Variants in OLFML3 observed in about 807,000 individuals in gnomAD.
OLFML3 encodes the protein olfactomedin like 3.
A neutral mutation model predicts 36.0 loss-of-function variants in OLFML3; 26 were observed. The observed-to-expected ratio is 0.72, with a 90% CI of 0.53 to 1.00. The LOEUF is 1.00. Ranked by LOEUF, OLFML3 falls within the 50% of genes least tolerant of loss-of-function variation. The pLI is 0.00. For synonymous variants in OLFML3, 184 were observed against 201.2 expected (o/e 0.91, Z 0.72); for missense variants, 503 against 519.4 (o/e 0.97, Z 0.31).
In OLFML3 at chr1:113,981,557, AC is replaced by A; in HGVS notation, c.1012del (p.Arg338ValfsTer18). On this transcript the variant is annotated frameshift_variant, in exon 3 of 3. Transcript: ENST00000320334. LOFTEE classifies it high-confidence loss of function. ...ICGTLYVVYNTRPASRARIQC... is the reference protein window; with the variant it reads ...ICGTLYVVYNXRPASRARIQC... The stretch of plus-strand genomic sequence containing the variant: ...TGGGACCCTCTATGTCGTCTATAAC[AC>A]CCGTCCTGCCAGTCGGGCCCGCATC... 6.2e-7 allele frequency: 1 copy of A among 1,613,536 alleles called. No individual in the cohort carries two copies. Among genetic ancestry groups the A allele is most frequent in the Non-Finnish European group, 8.5e-7 (1 of 1,179,882 alleles).
In OLFML3 at chr1:113,981,188, G is replaced by C. The variant is rs765155120; in HGVS notation, c.640G>C (p.Val214Leu). 3.1e-6 allele frequency: 5 copies of C among 1,614,234 alleles called. No homozygotes were observed. The highest frequency in any genetic ancestry group is 4.2e-6 in the Non-Finnish European group (5 of 1,180,040). The change falls in exon 3 of 3, where the codon GTA (valine) becomes CTA (leucine). Residue 214 changes from valine (V) to leucine (L), a missense_variant. By Grantham distance (32) the Val-to-Leu change is conservative. Transcript: ENST00000320334. ...CCCCTGGGTAGGCACAGGGCAGCTGGTATATGGTGGCTTTCTTTATTTTGC... is the reference window on the plus strand; with the variant it reads ...CCCCTGGGTAGGCACAGGGCAGCTGCTATATGGTGGCTTTCTTTATTTTGC... ...PFPWVGTGQLVYGGFLYFARR... is the reference protein window; with the variant it reads ...PFPWVGTGQLLYGGFLYFARR...
Position 113,979,642 on chromosome 1 carries a change from C to T in OLFML3, c.114+12C>T, listed in dbSNP as rs995755370. 1.3e-6 allele frequency: 2 copies of T among 1,568,588 alleles called. No homozygotes were observed. Among genetic ancestry groups the T allele is most frequent in the Non-Finnish European group, 1.8e-6 (2 of 1,138,572 alleles). ...TAGCTGCTTTAGAGGTGAGGGACCC[C>T]TTTCTCTTCTAGCCCCGCCTAGAAG... is the stretch of plus-strand genomic sequence containing the variant. On this transcript the variant is annotated intron_variant, in intron 1 of 2. Coordinates refer to ENST00000320334, the MANE Select transcript of OLFML3 (RefSeq NM_020190.5).
chr1:113,979,605 TG>T lies in OLFML3; in HGVS notation c.91del (p.Glu31AsnfsTer4), dbSNP rs745846967. ...CAGCAGCACCACCTTGTGGAGTACA[TG>T]GAACGCCGACTAGCTGCTTTAGAGG... ...QGQQHHLVEY[M>X]ERRLAALEER... On this transcript the variant is annotated frameshift_variant, in exon 1 of 3. Transcript: ENST00000320334. LOFTEE classifies it high-confidence loss of function. 1 of 1,613,720 alleles carries T rather than the reference TG, an allele frequency of 6.2e-7. No individual in the cohort carries two copies. The highest frequency in any genetic ancestry group is 8.5e-7 in the Non-Finnish European group (1 of 1,179,586).
Position 113,981,617 on chromosome 1 carries a change from C to T in OLFML3, c.1069C>T (p.Pro357Ser), listed in dbSNP as rs1207702168. The T allele has an allele frequency of 2.5e-6, 4 of 1,613,982 alleles. No homozygotes were observed. The highest frequency in any genetic ancestry group is 2.7e-5 in the African/African-American group (2 of 74,894). The stretch of plus-strand genomic sequence containing the variant: ...CTTTGATGCCAGCGGCACCCTGACC[C>T]CTGAACGGGCAGCACTCCCTTATTT... ...CSFDASGTLT[P>S]ERAALPYFPR... is the part of the protein sequence containing the mutation. Residue 357 changes from proline (P) to serine (S), a missense_variant, in exon 3 of 3, where the codon CCT (proline) becomes TCT (serine). Physicochemically the swap from Pro to Ser is moderately conservative, Grantham distance 74. Coordinates refer to ENST00000320334, the MANE Select transcript of OLFML3 (RefSeq NM_020190.5).
chr1:113,979,918 G>A (rs542589446), intron 1 of OLFML3: 2 of 1,422,474 alleles, frequency 1.4e-6, no homozygotes, highest in Admixed American at 5.8e-5. Context: ...AGAAGGTGAT[G>A]ATTCTGTTGA....
At position 113,981,644 on chromosome 1, in the gene OLFML3, C is replaced by T; in HGVS notation, c.1096C>T (p.Pro366Ser). Residue 366 changes from proline to serine, a missense_variant, in exon 3 of 3, where the codon CCC becomes TCC. Coordinates refer to ENST00000320334, the MANE Select transcript of OLFML3 (RefSeq NM_020190.5). ...TPERAALPYF[P>S]RRYGAHASLR... ...TGAACGGGCAGCACTCCCTTATTTTCCCCGCAGATATGGTGCCCATGCCAG... is the reference window on the plus strand; with the variant it reads ...TGAACGGGCAGCACTCCCTTATTTTTCCCGCAGATATGGTGCCCATGCCAG... The T allele has an allele frequency of 6.2e-7, 1 of 1,614,088 alleles. No homozygotes were observed. Among genetic ancestry groups the T allele is most frequent in the African/African-American group, 1.3e-5 (1 of 75,010 alleles).
chr1:113,981,359 G>A lies in OLFML3; in HGVS notation c.811G>A (p.Asp271Asn), dbSNP rs992381776. ...GATCCCCCCCTACGGCTTGACAGCA[G>A]ACACCTACATCGACCTGGCAGCTGA... ...GLIPPYGLTA[D>N]TYIDLAADEE... Residue 271 changes from aspartate (D) to asparagine (N), a missense_variant, in exon 3 of 3, where the codon GAC (aspartate) becomes AAC (asparagine). By Grantham distance (23) the Asp-to-Asn change is conservative. Transcript: ENST00000320334. The A allele has an allele frequency of 1.9e-6, 3 of 1,606,172 alleles. No homozygotes were observed. The highest frequency in any genetic ancestry group is 2.7e-5 in the African/African-American group (2 of 74,984).
At chr1:113,980,196 T>C in intron 1 of OLFML3, 136 bp from the exon 2 acceptor site, 1 of 1,514,482 alleles carries the variant, frequency 6.6e-7, no homozygotes, top group East Asian at 2.4e-5. Flanking sequence ...GGTTTCCTTT[T>C]CTGCAGGAGT....
Position 113,981,606 on chromosome 1 carries a change from G to A in OLFML3, c.1058G>A (p.Gly353Asp). 1 of 1,613,982 alleles carries A rather than the reference G, an allele frequency of 6.2e-7. No homozygotes were observed. The highest frequency in any genetic ancestry group is 8.5e-7 in the Non-Finnish European group (1 of 1,179,990). Residue 353 changes from glycine to aspartate, a missense_variant, in exon 3 of 3, where the codon GGC becomes GAC. Physicochemically the swap from Gly to Asp is moderately conservative, Grantham distance 94. Transcript: ENST00000320334. ...ATCCAGTGCTCCTTTGATGCCAGCG[G>A]CACCCTGACCCCTGAACGGGCAGCA... Reference protein sequence around the residue: ...ARIQCSFDASGTLTPERAALP... With the variant: ...ARIQCSFDASDTLTPERAALP...
rs376037375 is a variant in OLFML3 at position 113,980,458 on chromosome 1, G to C, written c.241G>C (p.Asp81His). The change falls in exon 2 of 3, where the codon GAC becomes CAC. Residue 81 changes from aspartate (D) to histidine (H), a missense_variant. Physicochemically the swap from Asp to His is moderately conservative, Grantham distance 81 (BLOSUM62 -1). Transcript: ENST00000320334. The stretch of plus-strand genomic sequence containing the variant: ...GCGGGAGGCACTCAGAACTGAGGCC[G>C]ACACCATCTCCGGGAGAGTGGATCG... ...KEREALRTEA[D>H]TISGRVDRLE... is the part of the protein sequence containing the mutation. The C allele has an allele frequency of 9.3e-6, 15 of 1,613,882 alleles. No homozygotes were observed. The Admixed American group carries it at 2.5e-4, about 27-fold the overall frequency.
In OLFML3 at chr1:113,980,495, A is replaced by G. The variant is rs1571752355; in HGVS notation, c.278A>G (p.Glu93Gly). Reference protein sequence around the residue: ...ISGRVDRLEREVDYLETQNPA... With the variant: ...ISGRVDRLERGVDYLETQNPA... ...GGGAGAGTGGATCGTCTGGAGCGGGAGGTAGACTATCTGGAGACCCAGAAC... is the reference window on the plus strand; with the variant it reads ...GGGAGAGTGGATCGTCTGGAGCGGGGGGTAGACTATCTGGAGACCCAGAAC... Residue 93 changes from glutamate (E) to glycine (G), a missense_variant, in exon 2 of 3, where the codon GAG (glutamate) becomes GGG (glycine). Glu to Gly is a moderately conservative substitution (Grantham distance 98, BLOSUM62 -2). Transcript: ENST00000320334. 1 of 1,614,108 alleles carries G rather than the reference A, an allele frequency of 6.2e-7. No homozygotes were observed. Among genetic ancestry groups the G allele is most frequent in the Non-Finnish European group, 8.5e-7 (1 of 1,180,018 alleles).
chr1:113,980,680 C>A (rs1673379753), intron 2 of OLFML3, 63 bp downstream of exon 2: 51 of 1,480,628 alleles, frequency 3.4e-5, no homozygotes, highest in Non-Finnish European at 4.5e-5. Flanking sequence ...TTCCTTGCTT[C>A]TTACTCTTTT....
In OLFML3 at chr1:113,980,469, CG is replaced by C; in HGVS notation, c.255del (p.Arg86GlufsTer9). The C allele has an allele frequency of 6.2e-7, 1 of 1,613,980 alleles. No homozygotes were observed. The highest frequency in any genetic ancestry group is 8.5e-7 in the Non-Finnish European group (1 of 1,179,978). Reference protein sequence around the residue: ...ALRTEADTISGRVDRLEREVD... With the variant: ...ALRTEADTISXRVDRLEREVD... ...TCAGAACTGAGGCCGACACCATCTC[CG>C]GGAGAGTGGATCGTCTGGAGCGGGA... On this transcript the variant is annotated frameshift_variant, in exon 2 of 3. Transcript: ENST00000320334. LOFTEE classifies it high-confidence loss of function.
chr1:113,981,827 A>T lies in OLFML3; in HGVS notation c.*58A>T. 2 of 1,452,126 alleles carry T rather than the reference A, an allele frequency of 1.4e-6. No individual in the cohort carries two copies. Among genetic ancestry groups the T allele is most frequent in the South Asian group, 2.5e-5 (2 of 81,092 alleles). 90.0% of individuals were successfully genotyped at this position (1,452,126 alleles called of 1,614,324 possible). Reference sequence around the variant, plus strand: ...TCCCATACATTTATATTATATCCCCACTAAATTTCTTGTTCCTCATTCTTC... The same window carrying T: ...TCCCATACATTTATATTATATCCCCTCTAAATTTCTTGTTCCTCATTCTTC... On this transcript the variant is annotated 3_prime_UTR_variant, in exon 3 of 3. Transcript: ENST00000320334.
chr1:113,981,517 T>A lies in OLFML3; in HGVS notation c.969T>A (p.Ala323=), dbSNP rs932480871. Residue 323 remains alanine, a synonymous_variant, in exon 3 of 3, where the codon GCT becomes GCA. Transcript: ENST00000320334. ...CATGTCCCAGAGAGAATGCTGAGGC[T>A]GCCTTTGTCATCTGTGGGACCCTCT... The part of the protein sequence containing the change: ...DTPCPRENAE[A]AFVICGTLYV... The A allele has an allele frequency of 2.5e-5, 40 of 1,614,162 alleles. No homozygotes were observed. Among genetic ancestry groups the A allele is most frequent in the Non-Finnish European group, 3.0e-5 (35 of 1,180,010 alleles).
chr1:113,979,951 T>C (rs2101554569), intron 1 of OLFML3: 4 of 1,431,758 alleles, frequency 2.8e-6, no homozygotes, highest in Non-Finnish European at 3.7e-6. Context: ...CCGGGGAATC[T>C]ATAACTTCCT....
intron 1 of OLFML3, 32 bp from the exon 2 acceptor site, chr1:113,980,300 G>T (rs1372247468): frequency 1.3e-6 from 2 of 1,528,378 alleles, no homozygotes; most frequent in African/African-American, 2.8e-5. Flanking sequence ...TTGTAACCCT[G>T]CAGCCTCCCT....
rs1269803325 is a variant in OLFML3 at position 113,980,583 on chromosome 1, G to A, written c.366G>A (p.Lys122=). 2 of 1,609,802 alleles carry A rather than the reference G, an allele frequency of 1.2e-6. No homozygotes were observed. The highest frequency in any genetic ancestry group is 1.1e-5 in the South Asian group (1 of 90,568). ...KVTGGPGTKG[K]GRRNEKYDMV... ...CTGGAGGCCCTGGGACCAAAGGCAAGGGAAGAAGGAATGAGAAGTACGATA... is the reference window on the plus strand; with the variant it reads ...CTGGAGGCCCTGGGACCAAAGGCAAAGGAAGAAGGAATGAGAAGTACGATA... The change falls in exon 2 of 3, where the codon AAG becomes AAA. Residue 122 remains lysine, a synonymous_variant. Coordinates refer to ENST00000320334, the MANE Select transcript of OLFML3 (RefSeq NM_020190.5).
rs149162442 is a variant in OLFML3, at chr1:113,981,757, G to A, written c.1209G>A (p.Glu403=). The change falls in exon 3 of 3, where the codon GAG becomes GAA. Residue 403 remains glutamate, a synonymous_variant. Coordinates refer to ENST00000320334, the MANE Select transcript of OLFML3 (RefSeq NM_020190.5). ...ATAAGCTGGAGATGAGGAAGAAAGA[G>A]GAGGAGGTTTGAGGAGCTAGCCTTG... ...IVYKLEMRKK[E]EEV 1.4e-3 allele frequency: 2,187 copies of A among 1,613,298 alleles called. 2 individuals carry two copies. The highest frequency in any genetic ancestry group is 4.0e-3 in the South Asian group (359 of 90,832).
Sources: allele counts gnomAD v4.1 joint callset, GRCh38; gene constraint gnomAD v4.1.1; transcripts MANE v1.5; gene names NCBI Gene and HGNC (gene_info 2026-07-23, HGNC 2026-07-21).